The following THADA variants were observed in gnomAD, a reference collection of about 807,000 sequenced individuals.
The protein encoded by THADA is THADA armadillo repeat containing, also known as tRNA (32-2'-O)-methyltransferase regulator THADA.
A neutral mutation model predicts 219.8 loss-of-function variants in THADA; 213 were observed. The observed-to-expected ratio is 0.97, with a 90% CI of 0.87 to 1.09. The LOEUF (loss-of-function observed/expected upper bound fraction) is 1.09. Ranked by LOEUF, THADA falls within the 50% of genes least tolerant of loss-of-function variation. The pLI is 0.00. For missense variants in THADA, 2,956 were observed against 2,311.3 expected, an observed-to-expected ratio of 1.28 and a Z score of -5.72; for synonymous variants, 1,018 against 828.9, an observed-to-expected ratio of 1.23 and a Z score of -3.92.
chr2:43,256,926 T>G (rs1188564001), intron 36 of THADA, among the ~76,000 whole-genome samples: 1 of 152,166 alleles, frequency 6.6e-6, no homozygotes, highest in Non-Finnish European at 1.5e-5. Context: ...TCACCTTCAT[T>G]TTATACAGAA....
chr2:43,441,374 G>T (rs908841688), intron 26 of THADA, among the ~76,000 whole-genome samples: 7 of 152,148 alleles, frequency 4.6e-5, no homozygotes, highest in Admixed American at 6.5e-5. Context: ...TCTCAACTCT[G>T]CATTAGCCAA....
At chr2:43,326,755 A>T (rs1679381323) in intron 30 of THADA, among the ~76,000 whole-genome samples, 1 of 152,178 alleles carries the variant, frequency 6.6e-6, no homozygotes, top group Admixed American at 6.5e-5. Context: ...CCATAAGCTC[A>T]AGTCACACTG....
chr2:43,572,247 T>C (rs182950717), intron 12 of THADA, among the ~76,000 whole-genome samples: 16 of 152,328 alleles, frequency 1.1e-4, no homozygotes, highest in African/African-American at 3.6e-4. Context: ...TTTCCACTAA[T>C]GTAACTCCTT....
intron 29 of THADA, among the ~76,000 whole-genome samples, chr2:43,365,388 G>A (rs1456293413): frequency 6.6e-6 from 1 of 151,832 alleles, no homozygotes; most frequent in Admixed American, 6.6e-5. Flanking sequence ...GTGGCCAATA[G>A]AGTGAAACCC....
chr2:43,297,447 T>G (rs1296107190), intron 31 of THADA, among the ~76,000 whole-genome samples: 14 of 60,878 alleles, frequency 2.3e-4, no homozygotes, highest in South Asian at 7.7e-4. Flanking sequence ...GGGAGGGAGG[T>G]GGGGGGGGGT....
At chr2:43,372,302 T>C (rs1670897439) in intron 29 of THADA, 2 of 152,230 alleles carry the variant, frequency 1.3e-5, no homozygotes, top group Admixed American at 1.3e-4. Context: ...ACAAGTACTG[T>C]TTCTGTTCTG....
At chr2:43,536,313 T>A (rs1479473585) in intron 21 of THADA, among the ~76,000 whole-genome samples, 1 of 152,230 alleles carries the variant, frequency 6.6e-6, no homozygotes, top group Non-Finnish European at 1.5e-5. Flanking sequence ...TATGTGTCTG[T>A]TTGTACACCA....
intron 35 of THADA, among the ~76,000 whole-genome samples, chr2:43,286,454 T>C (rs1296100377): frequency 6.6e-6 from 1 of 152,074 alleles, no homozygotes; most frequent in East Asian, 1.9e-4. Context: ...AAGAGTGTGT[T>C]GGTGGTCTGG....
intron 36 of THADA, among the ~76,000 whole-genome samples, chr2:43,269,872 G>T (rs1278951641): frequency 1.3e-5 from 2 of 152,180 alleles, no homozygotes; most frequent in Non-Finnish European, 2.9e-5. Context: ...AGAGACCAAG[G>T]CAGTGGAATC....
At chr2:43,338,921 TATC>T (rs1479192789) in intron 30 of THADA, among the ~76,000 whole-genome samples, 4 of 152,314 alleles carry the variant, frequency 2.6e-5, no homozygotes, top group East Asian at 1.9e-4. Context: ...TTTGAGGAAA[TATC>T]ATACTGTTTT....
chr2:43,527,765 G>A (rs1693344025), intron 22 of THADA, 114 bp downstream of exon 22: 1 of 664,740 alleles, frequency 1.5e-6, no homozygotes, highest in East Asian at 2.7e-5. Context: ...GAGTTTTGTA[G>A]TCAACCAGGT....
Position 43,231,178 on chromosome 2 carries a change from G to A in THADA, c.5632C>T (p.Gln1878Ter). 3 of 1,613,868 alleles carry A rather than the reference G, an allele frequency of 1.9e-6. No homozygotes were observed. The highest frequency in any genetic ancestry group is 2.5e-6 in the Non-Finnish European group (3 of 1,179,820). ...LCHLQRMVSE[Q>*]CHLLSQFFRE... ...AAGAACTGAGACAGGAGGTGGCACT[G>A]CTCTGACACCATCCTTTGAAGGTGA... The change falls in exon 38 of 38, where the codon CAG (glutamine) becomes TAG (stop). Residue 1878 changes from glutamine to a stop codon, truncating the protein, a stop_gained. Coordinates refer to ENST00000405975, the MANE Select transcript of THADA (RefSeq NM_022065.5). LOFTEE classifies it high-confidence loss of function.
chr2:43,293,967 T>A (rs1675052367), intron 31 of THADA, among the ~76,000 whole-genome samples: 1 of 152,204 alleles, frequency 6.6e-6, no homozygotes, highest in South Asian at 2.1e-4. Flanking sequence ...TGGAGTTGCA[T>A]CACACTGTTG....
intron 28 of THADA, among the ~76,000 whole-genome samples, chr2:43,400,087 C>G (rs1303989991): frequency 3.9e-5 from 6 of 152,144 alleles, no homozygotes; most frequent in African/African-American, 1.4e-4. Flanking sequence ...ACAAATAACT[C>G]TGACATGGTT....
chr2:43,271,273 G>A lies in THADA; in HGVS notation c.5296+8492C>T, dbSNP rs192927594. On this transcript the variant is annotated intron_variant, in intron 36 of 37. Coordinates refer to ENST00000405975, the MANE Select transcript of THADA (RefSeq NM_022065.5). ...GAGTTAGTCCAGGATTTTCTACAGT[G>A]GCCAGTCTTAGTAGATGCTTCATCA... Among the ~76,000 whole-genome samples, 135 of 152,318 alleles carry A rather than the reference G, an allele frequency of 8.9e-4. 1 individual carries two copies. Among genetic ancestry groups the A allele is most frequent in the Non-Finnish European group, 1.3e-4 (9 of 68,018 alleles).
chr2:43,427,074 C>G (rs1330880678), intron 28 of THADA, among the ~76,000 whole-genome samples: 2 of 152,062 alleles, frequency 1.3e-5, no homozygotes, highest in Non-Finnish European at 2.9e-5. Flanking sequence ...TTCATGAATA[C>G]TCTATATTCA....
intron 37 of THADA, 44 bp from the exon 38 acceptor site, chr2:43,231,387 G>A (rs754315789): frequency 3.4e-5 from 50 of 1,471,368 alleles, no homozygotes; most frequent in Non-Finnish European, 4.5e-5. Flanking sequence ...ACAGGGAATG[G>A]TGACAAGCCC....
At chr2:43,566,912 T>C in intron 14 of THADA, 91 bp from the exon 15 acceptor site, 1 of 877,128 alleles carries the variant, frequency 1.1e-6, no homozygotes, top group Non-Finnish European at 1.6e-6. Flanking sequence ...GTGGGTGTTT[T>C]TGTTTTCAAT....
At chr2:43,238,136 AAAAAAAAAAAAAAAAAG>A (rs1668248793) in intron 36 of THADA, among the ~76,000 whole-genome samples, 1 of 146,152 alleles carries the variant, frequency 6.8e-6, no homozygotes, top group African/African-American at 2.5e-5. Flanking sequence ...AAAAAAAAAA[AAAAAAAAAAAAAAAAAG>A]GAAGGAAAGA....
Sources: allele counts gnomAD v4.1 joint callset (sites outside exome capture counted in the v4.1 genomes callset), GRCh38; gene constraint gnomAD v4.1.1; transcripts MANE v1.5; gene names NCBI Gene and HGNC (gene_info 2026-07-23, HGNC 2026-07-21).